Variants in LRP1B observed in about 807,000 individuals in gnomAD.
LRP1B encodes LDL receptor related protein 1B.
Under a neutral mutation model 556.6 loss-of-function variants are expected in LRP1B, and 217 were observed. The ratio of observed to expected loss-of-function variants is 0.39; its 90% CI spans 0.35 to 0.44. LRP1B has a LOEUF of 0.44. LRP1B is among the 20% of genes least tolerant of loss of function. The pLI, the probability that LRP1B is intolerant of heterozygous loss-of-function variation, is 1.00. For missense variants in LRP1B, 5,053 were observed against 5,620.8 expected (o/e 0.90, Z 3.23); for synonymous variants, 2,047 against 1,865.8 (o/e 1.10, Z -2.50).
At chr2:140,784,262 G>A (rs1402453700) in intron 32 of LRP1B, among the ~76,000 whole-genome samples, 1 of 151,808 alleles carries the variant, frequency 6.6e-6, no homozygotes, top group Non-Finnish European at 1.5e-5. Flanking sequence ...TGACTTTTGG[G>A]GAGGCTGACA....
chr2:140,824,463 G>A (rs1398371315), intron 31 of LRP1B, among the ~76,000 whole-genome samples: 1 of 152,050 alleles, frequency 6.6e-6, no homozygotes, highest in African/African-American at 2.4e-5. Context: ...TTAATTTTAT[G>A]AGAAATCTGT....
rs150158452 is a variant in LRP1B, at chr2:142,098,827, G to T, written c.82+31821C>A. 2.0e-3 allele frequency among the ~76,000 whole-genome samples: 311 copies of T among 151,854 alleles called. 1 individual carries two copies. The highest frequency in any genetic ancestry group is 3.6e-3 in the Non-Finnish European group (244 of 67,782). ...GAGAAATCTCAATGGACTAAGCCAT[G>T]GATAAATGAGAAATCAAAGCAGAAA... is the stretch of plus-strand genomic sequence containing the variant. On this transcript the variant is annotated intron_variant, in intron 1 of 90. Coordinates refer to ENST00000389484, the MANE Select transcript of LRP1B (RefSeq NM_018557.3).
Position 140,884,129 on chromosome 2 carries a change from T to G in LRP1B, c.3965-108A>C. 3 of 1,033,852 alleles carry G rather than the reference T, an allele frequency of 2.9e-6. No individual in the cohort carries two copies. In the East Asian group the frequency reaches 7.3e-5, roughly 25 times the overall value. 64.0% of individuals were successfully genotyped at this position (1,033,852 alleles called of 1,614,324 possible). Reference sequence around the variant, plus strand: ...AGCAGTACAAATTATTTCAATGTGATTTCAACTTTGAGAGATTGCAAAAGT... The same window carrying G: ...AGCAGTACAAATTATTTCAATGTGAGTTCAACTTTGAGAGATTGCAAAAGT... On this transcript the variant is annotated intron_variant, in intron 24 of 90. Coordinates refer to ENST00000389484, the MANE Select transcript of LRP1B (RefSeq NM_018557.3).
At chr2:141,577,292 G>C (rs6429908) in intron 2 of LRP1B, among the ~76,000 whole-genome samples, 39,780 of 151,860 alleles carry the variant, frequency 0.26, 5,601 homozygotes, top group East Asian at 0.48. Flanking sequence ...TGTATGATTT[G>C]GGGGATTATC....
chr2:141,279,600 A>G (rs1685434341), intron 3 of LRP1B, among the ~76,000 whole-genome samples: 1 of 152,156 alleles, frequency 6.6e-6, no homozygotes, highest in Non-Finnish European at 1.5e-5. Flanking sequence ...TGTCTGACAC[A>G]TGAAATATGT....
At chr2:141,667,212 T>C (rs1340466077) in intron 2 of LRP1B, among the ~76,000 whole-genome samples, 1 of 152,144 alleles carries the variant, frequency 6.6e-6, no homozygotes, top group Non-Finnish European at 1.5e-5. Flanking sequence ...ATTTTAGGAA[T>C]CTGGAACAAG....
chr2:141,050,821 A>G (rs1047963044), intron 10 of LRP1B, among the ~76,000 whole-genome samples: 2 of 152,132 alleles, frequency 1.3e-5, no homozygotes, highest in African/African-American at 2.4e-5. Context: ...ACAGCAAAAG[A>G]TACTAGCATC....
At chr2:140,419,249 A>G (rs1685331934) in intron 66 of LRP1B, among the ~76,000 whole-genome samples, 1 of 152,238 alleles carries the variant, frequency 6.6e-6, no homozygotes, top group East Asian at 1.9e-4. Context: ...GTTCATCAAG[A>G]GAAACATAAT....
chr2:140,610,733 C>T (rs956652349), intron 41 of LRP1B, among the ~76,000 whole-genome samples: 1 of 152,124 alleles, frequency 6.6e-6, no homozygotes, highest in Non-Finnish European at 1.5e-5. Flanking sequence ...CTACAGGTGC[C>T]CGCCACCATG....
At chr2:141,137,273 G>A (rs1701514521) in intron 7 of LRP1B, among the ~76,000 whole-genome samples, 1 of 151,902 alleles carries the variant, frequency 6.6e-6, no homozygotes, top group Non-Finnish European at 1.5e-5. Flanking sequence ...ACAGAGGGGA[G>A]AAAAGTGCCC....
chr2:141,192,591 CTTA>C (rs1681565621), intron 6 of LRP1B, among the ~76,000 whole-genome samples: 1 of 151,740 alleles, frequency 6.6e-6, no homozygotes, highest in South Asian at 2.1e-4. Flanking sequence ...TTAGTTGCTA[CTTA>C]TTCTTTTTTT....
intron 1 of LRP1B, among the ~76,000 whole-genome samples, chr2:142,094,867 T>C (rs1439293425): frequency 2.6e-5 from 4 of 151,866 alleles, no homozygotes; most frequent in African/African-American, 9.7e-5. Context: ...AATTTTATAA[T>C]TGGATAAGTG....
intron 66 of LRP1B, among the ~76,000 whole-genome samples, chr2:140,392,601 C>T (rs13397457): frequency 4.8e-4 from 73 of 152,082 alleles, no homozygotes; most frequent in African/African-American, 1.7e-3. Context: ...AATTCTCTTG[C>T]CTCAGCCTCC....
chr2:141,173,775 T>C (rs907667409), intron 7 of LRP1B, among the ~76,000 whole-genome samples: 43 of 152,026 alleles, frequency 2.8e-4, no homozygotes, highest in African/African-American at 9.7e-4. Context: ...TCTCTGATGA[T>C]GTCACTGAAG....
At chr2:141,857,214 C>T (rs561197821) in intron 1 of LRP1B, among the ~76,000 whole-genome samples, 1 of 152,190 alleles carries the variant, frequency 6.6e-6, no homozygotes, top group East Asian at 1.9e-4. Flanking sequence ...TTTTAGCTTC[C>T]ACTTCCAGTT....
chr2:141,244,149 C>T (rs1248500179), intron 5 of LRP1B, among the ~76,000 whole-genome samples: 1 of 152,176 alleles, frequency 6.6e-6, no homozygotes, highest in Non-Finnish European at 1.5e-5. Context: ...TTAACTCTGC[C>T]TCTCTCTGCC....
intron 3 of LRP1B, among the ~76,000 whole-genome samples, chr2:141,315,882 C>CTTTTTTT (rs70991157): frequency 1.1e-4 from 2 of 18,140 alleles, no homozygotes; most frequent in African/African-American, 4.7e-4. Context: ...TTAGTCTGGT[C>CTTTTTTT]TTTTTTTTTT....
chr2:140,930,041 C>G lies in LRP1B; in HGVS notation c.3137-6894G>C, dbSNP rs147219162. Among the ~76,000 whole-genome samples, 547 of 152,132 alleles carry G rather than the reference C, an allele frequency of 3.6e-3. 5 individuals carry two copies. Among genetic ancestry groups the G allele is most frequent in the African/African-American group, 0.013 (520 of 41,514 alleles). ...GGAGAGCTACATCCCTCTGAAGAAC[C>G]TATGATGACCATTCCAGCTTGAGTT... On this transcript the variant is annotated intron_variant, in intron 20 of 90. Transcript: ENST00000389484.
At chr2:140,494,048 T>C (rs1246845768) in intron 56 of LRP1B, among the ~76,000 whole-genome samples, 3 of 152,220 alleles carry the variant, frequency 2.0e-5, no homozygotes, top group African/African-American at 7.2e-5. Flanking sequence ...AATTCTGTTC[T>C]TTACAACTTA....
Sources: gnomAD v4.1 joint callset for allele counts (sites outside exome capture counted in the v4.1 genomes callset) on GRCh38, gnomAD v4.1.1 for gene constraint, MANE v1.5 for transcripts, NCBI Gene and HGNC (gene_info 2026-07-23, HGNC 2026-07-21) for gene names.